SLIT2: variants seen among roughly 807,000 people sequenced by gnomAD.
SLIT2 encodes the protein slit homolog 2 protein.
SLIT2 carries 41 observed loss-of-function variants against 185.7 expected under a neutral mutation model. The observed-to-expected ratio is 0.22, with a 90% CI of 0.17 to 0.29. SLIT2 has a LOEUF of 0.29. Among genes scored for constraint, SLIT2 ranks in the 10% least tolerant of loss-of-function variants. SLIT2 has a pLI of 1.00. For missense variants in SLIT2, 1,571 were observed against 1,909.0 expected (o/e 0.82, Z 3.30); for synonymous variants, 693 against 680.2 (o/e 1.02, Z -0.29).
At chr4:20,297,033 T>C (rs912911927) in intron 4 of SLIT2, among the ~76,000 whole-genome samples, 58 of 152,188 alleles carry the variant, frequency 3.8e-4, no homozygotes, top group African/African-American at 1.3e-3. Flanking sequence ...ATATCTTGAT[T>C]TTCAAAGTGC....
In SLIT2 at chr4:20,575,628, G is replaced by A. The variant is rs1432370414; in HGVS notation, c.3088+6624G>A. 3.3e-5 allele frequency among the ~76,000 whole-genome samples: 5 copies of A among 151,938 alleles called. No homozygotes were observed. In the East Asian group the frequency reaches 7.7e-4, roughly 24 times the overall value. ...TGCCTTGCTGCCTCCTTCCAGGCAC[G>A]GCTTCTTTTCTATCTCACAATAGCT... On this transcript the variant is annotated intron_variant, in intron 29 of 36. Coordinates refer to ENST00000504154, the MANE Select transcript of SLIT2 (RefSeq NM_004787.4).
At chr4:20,427,777 T>C (rs531917296) in intron 4 of SLIT2, among the ~76,000 whole-genome samples, 1 of 152,180 alleles carries the variant, frequency 6.6e-6, no homozygotes, top group Non-Finnish European at 1.5e-5. Context: ...AATAGATTAT[T>C]GCTTTTTCTC....
chr4:20,310,931 C>A (rs1244263722), intron 4 of SLIT2, among the ~76,000 whole-genome samples: 2 of 152,172 alleles, frequency 1.3e-5, no homozygotes, highest in East Asian at 3.8e-4. Flanking sequence ...CTTGCCCAGG[C>A]TGGAGTGTAG....
intron 29 of SLIT2, among the ~76,000 whole-genome samples, chr4:20,579,843 T>C (rs1477874562): frequency 1.3e-5 from 2 of 151,480 alleles, no homozygotes; most frequent in South Asian, 2.1e-4. Context: ...GTCAAAAAAT[T>C]ACTATAGTTA....
chr4:20,518,588 T>TATATATATA (rs1475880730), intron 11 of SLIT2, among the ~76,000 whole-genome samples: 3 of 7,594 alleles, frequency 4.0e-4, no homozygotes, highest in Non-Finnish European at 6.8e-4. Context: ...TATATATATA[T>TATATATATA]TTTTTTTTTT....
Position 20,615,017 on chromosome 4 carries a change from C to T in SLIT2, c.3848-1893C>T, listed in dbSNP as rs1182705187. On this transcript the variant is annotated intron_variant, in intron 34 of 36. Coordinates refer to ENST00000504154, the MANE Select transcript of SLIT2 (RefSeq NM_004787.4). ...CTAATTGTTTCTCTGTGCTGTGGAACTTTGCCAATCTGTATTTATTCTTGA... is the reference window on the plus strand; with the variant it reads ...CTAATTGTTTCTCTGTGCTGTGGAATTTTGCCAATCTGTATTTATTCTTGA... 2.0e-5 allele frequency: 3 copies of T among 152,250 alleles called. No homozygotes were observed. The East Asian group carries it at 5.8e-4, about 29-fold the overall frequency. The allele number at this position is 152,250 out of a possible 1,614,324, so 9.4% of individuals were successfully genotyped here.
At chr4:20,446,283 C>T (rs1346291426) in intron 4 of SLIT2, among the ~76,000 whole-genome samples, 1 of 152,156 alleles carries the variant, frequency 6.6e-6, no homozygotes, top group Non-Finnish European at 1.5e-5. Context: ...TCCATGGGAG[C>T]CCATATTATC....
intron 4 of SLIT2, among the ~76,000 whole-genome samples, chr4:20,284,085 C>T (rs1560282366): frequency 6.6e-6 from 1 of 152,128 alleles, no homozygotes; most frequent in African/African-American, 2.4e-5. Context: ...AACAACCTGC[C>T]AGAATTGGAA....
chr4:20,575,844 T>TC (rs1482921050), intron 29 of SLIT2, among the ~76,000 whole-genome samples: 2 of 151,578 alleles, frequency 1.3e-5, no homozygotes, highest in African/African-American at 4.8e-5. Context: ...ATGAATAAAT[T>TC]CCCCCCGAGA....
At chr4:20,539,315 A>G in intron 18 of SLIT2, 126 bp from the exon 19 acceptor site, 2 of 775,640 alleles carry the variant, frequency 2.6e-6, no homozygotes, top group Admixed American at 2.7e-5. Flanking sequence ...ATCTAATAGC[A>G]AGAGAACATT....
intron 29 of SLIT2, among the ~76,000 whole-genome samples, chr4:20,588,137 G>A (rs1013412839): frequency 2.6e-5 from 4 of 152,102 alleles, no homozygotes; most frequent in Admixed American, 1.3e-4. Flanking sequence ...AATAAAACCT[G>A]TTTAAAAATA....
chr4:20,440,005 C>G (rs186870233), intron 4 of SLIT2, among the ~76,000 whole-genome samples: 4 of 152,252 alleles, frequency 2.6e-5, no homozygotes, highest in South Asian at 2.1e-4. Context: ...TTTGCCAAAG[C>G]CTTCTAATGA....
intron 4 of SLIT2, among the ~76,000 whole-genome samples, chr4:20,335,307 A>T (rs1174556143): frequency 2.6e-5 from 4 of 152,160 alleles, no homozygotes; most frequent in Admixed American, 6.6e-5. Context: ...AAACAGAATC[A>T]CCGGTGTGCA....
At chr4:20,304,198 T>G (rs1390787361) in intron 4 of SLIT2, among the ~76,000 whole-genome samples, 1 of 152,124 alleles carries the variant, frequency 6.6e-6, no homozygotes, top group Non-Finnish European at 1.5e-5. Context: ...CAATACACAT[T>G]TGTTCATTGG....
chr4:20,583,343 A>G (rs1048060054), intron 29 of SLIT2, among the ~76,000 whole-genome samples: 4 of 152,326 alleles, frequency 2.6e-5, no homozygotes, highest in South Asian at 2.1e-4. Flanking sequence ...TGAAAAAGCT[A>G]TAGGCAGATC....
At chr4:20,257,707 T>A (rs1319943075) in intron 2 of SLIT2, among the ~76,000 whole-genome samples, 161 bp from the exon 3 acceptor site, 1 of 151,944 alleles carries the variant, frequency 6.6e-6, no homozygotes, top group Admixed American at 6.5e-5. Flanking sequence ...TTCCATGAGT[T>A]CACTCAGATA....
At position 20,548,563 on chromosome 4, in the gene SLIT2, AGT is replaced by A; in HGVS notation, c.2417+8_2417+9del. The A allele has an allele frequency of 6.4e-7, 1 of 1,559,170 alleles. No individual in the cohort carries two copies. Among genetic ancestry groups the A allele is most frequent in the Non-Finnish European group, 8.8e-7 (1 of 1,130,350 alleles). On this transcript the variant is annotated splice_donor_5th_base_variant and intron_variant, in intron 23 of 36. Transcript: ENST00000504154. ...ACATGACCCAGCTCCTCACCTTGTGAGTGTGAAAGTGTGGTACTGAGTATTCA... is the reference window on the plus strand; with the variant it reads ...ACATGACCCAGCTCCTCACCTTGTGAGTGAAAGTGTGGTACTGAGTATTCA...
chr4:20,596,658 A>G lies in SLIT2; in HGVS notation c.3561+3A>G. The G allele has an allele frequency of 6.2e-7, 1 of 1,611,196 alleles. No homozygotes were observed. The highest frequency in any genetic ancestry group is 8.5e-7 in the Non-Finnish European group (1 of 1,179,616). ...CTCAGACGAACATAACACTTCAGGT[A>G]AGAGATCTCTCTCTATGGAGAGATG... On this transcript the variant is annotated splice_donor_region_variant and intron_variant, in intron 32 of 36. Coordinates refer to ENST00000504154, the MANE Select transcript of SLIT2 (RefSeq NM_004787.4).
At chr4:20,554,250 C>T (rs376006849) in intron 26 of SLIT2, 1 of 525,576 alleles carries the variant, frequency 1.9e-6, no homozygotes, top group East Asian at 4.7e-5. Context: ...CCTTTCATAG[C>T]CTCTAACAAG....
Sources: allele counts gnomAD v4.1 joint callset (sites outside exome capture counted in the v4.1 genomes callset), GRCh38; gene constraint gnomAD v4.1.1; transcripts MANE v1.5; gene names NCBI Gene and HGNC (gene_info 2026-07-23, HGNC 2026-07-21).